The following CDH11 variants were observed in gnomAD, a reference collection of about 807,000 sequenced individuals.
CDH11 encodes cadherin 11.
Under a neutral mutation model 67.8 loss-of-function variants are expected in CDH11, and 11 were observed. The ratio of observed to expected loss-of-function variants is 0.16; its 90% CI spans 0.10 to 0.27. CDH11 has a LOEUF of 0.27. Ranked by LOEUF, CDH11 falls within the 10% of genes least tolerant of loss-of-function variation. The pLI is 1.00. For synonymous variants in CDH11, 419 were observed against 400.0 expected, an observed-to-expected ratio of 1.05 and a Z score of -0.57; for missense variants, 847 against 1,031.2, an observed-to-expected ratio of 0.82 and a Z score of 2.45.
chr16:64,990,999 G>A (rs2072615973), intron 6 of CDH11, among the ~76,000 whole-genome samples: 1 of 152,120 alleles, frequency 6.6e-6, no homozygotes, highest in East Asian at 1.9e-4. Flanking sequence ...GTCTTCCATT[G>A]AAAGGTGGGG....
chr16:65,016,728 C>T (rs928128560), intron 2 of CDH11, among the ~76,000 whole-genome samples: 2 of 152,162 alleles, frequency 1.3e-5, no homozygotes, highest in Non-Finnish European at 2.9e-5. Flanking sequence ...CAATCCCAGA[C>T]AGTAAAGTGA....
intron 2 of CDH11, among the ~76,000 whole-genome samples, chr16:65,037,356 C>G (rs1333290244): frequency 6.6e-6 from 1 of 152,122 alleles, no homozygotes; most frequent in East Asian, 1.9e-4. Flanking sequence ...TTGTAAAATT[C>G]TAGCTGTGAC....
intron 2 of CDH11, among the ~76,000 whole-genome samples, chr16:65,009,079 T>G (rs1248220265): frequency 6.6e-6 from 1 of 152,164 alleles, no homozygotes; most frequent in Non-Finnish European, 1.5e-5. Flanking sequence ...GATTGAACTC[T>G]GAATGTTTGG....
At chr16:65,107,226 G>T (rs1041291510) in intron 1 of CDH11, among the ~76,000 whole-genome samples, 25 of 152,276 alleles carry the variant, frequency 1.6e-4, no homozygotes, top group Non-Finnish European at 1.0e-4. Context: ...CTTATTAGCT[G>T]CATAATATTG....
At chr16:65,058,473 G>A (rs2074184148) in intron 1 of CDH11, among the ~76,000 whole-genome samples, 1 of 152,118 alleles carries the variant, frequency 6.6e-6, no homozygotes, top group South Asian at 2.1e-4. Flanking sequence ...AGGAGAAGGG[G>A]TCACACATAC....
intron 11 of CDH11, among the ~76,000 whole-genome samples, chr16:64,965,205 CAAAAAAAA>C (rs71143537): frequency 7.0e-5 from 4 of 56,934 alleles, no homozygotes; most frequent in Middle Eastern, 0.023. Flanking sequence ...CTAAAAATAC[CAAAAAAAA>C]AAAAAAAAAA....
At chr16:65,104,321 G>A (rs978633413) in intron 1 of CDH11, among the ~76,000 whole-genome samples, 2 of 152,112 alleles carry the variant, frequency 1.3e-5, no homozygotes, top group Admixed American at 1.3e-4. Context: ...ATATGGGTTT[G>A]GAAACACGGA....
At chr16:64,953,763 T>A (rs1248966036) in intron 11 of CDH11, among the ~76,000 whole-genome samples, 3 of 152,158 alleles carry the variant, frequency 2.0e-5, no homozygotes, top group Admixed American at 1.3e-4. Context: ...AGTTACAATA[T>A]CTACTCCATT....
intron 11 of CDH11, among the ~76,000 whole-genome samples, chr16:64,964,345 T>A (rs2071753148): frequency 1.3e-5 from 2 of 152,286 alleles, no homozygotes; most frequent in African/African-American, 4.8e-5. Flanking sequence ...TAGGCAATTA[T>A]AACACAGGAG....
At position 65,005,057 on chromosome 16, in the gene CDH11, G is replaced by T; in HGVS notation, c.-172-16C>A. 1 of 1,337,202 alleles carries T rather than the reference G, an allele frequency of 7.5e-7. No homozygotes were observed. The highest frequency in any genetic ancestry group is 1.5e-5 in the African/African-American group (1 of 66,280). 82.8% of individuals were successfully genotyped at this position (1,337,202 alleles called of 1,614,324 possible). A position where few individuals can be genotyped will look rare whatever the true frequency, so the allele number is the denominator to read the frequency against. ...CAGTTAGCTTCTGCAAGCAGAGAGA[G>T]GTTGGATTAACTGCAGGCCAAATCC... is the stretch of plus-strand genomic sequence containing the variant. On this transcript the variant is annotated splice_polypyrimidine_tract_variant and intron_variant, in intron 2 of 12. Transcript: ENST00000268603.
rs1567475973 is a variant in CDH11, at chr16:64,943,830, T to C, written c.*3773A>G. ...GTGTAAAGAACTGAGTATACAATGG[T>C]AAACAAGAAAGCAAGATTCCCTGCC... On this transcript the variant is annotated 3_prime_UTR_variant, in exon 13 of 13. Coordinates refer to ENST00000268603, the MANE Select transcript of CDH11 (RefSeq NM_001797.4). 4.5e-6 allele frequency: 1 copy of C among 222,736 alleles called. No individual in the cohort carries two copies. Among genetic ancestry groups the C allele is most frequent in the Non-Finnish European group, 9.0e-6 (1 of 111,344 alleles). The allele number at this position is 222,736 out of a possible 1,614,324, so 13.8% of individuals were successfully genotyped here. A position where few individuals can be genotyped will look rare whatever the true frequency, so the allele number is the denominator to read the frequency against.
At chr16:65,002,013 T>C (rs1597077728) in intron 3 of CDH11, among the ~76,000 whole-genome samples, 1 of 152,298 alleles carries the variant, frequency 6.6e-6, no homozygotes, top group East Asian at 1.9e-4. Context: ...CACTCAACCT[T>C]GAATGTCATC....
chr16:65,114,114 T>C (rs1240133006), intron 1 of CDH11, among the ~76,000 whole-genome samples: 1 of 152,016 alleles, frequency 6.6e-6, no homozygotes, highest in Non-Finnish European at 1.5e-5. Context: ...ATGACTAGAG[T>C]TAATGAATCA....
intron 4 of CDH11, among the ~76,000 whole-genome samples, chr16:64,995,578 A>T (rs915431905): frequency 6.6e-6 from 1 of 152,208 alleles, no homozygotes; most frequent in Non-Finnish European, 1.5e-5. Context: ...CTTTCCCCAT[A>T]TACAAAAATT....
chr16:65,085,204 C>T (rs2074675506), intron 1 of CDH11, among the ~76,000 whole-genome samples: 1 of 152,226 alleles, frequency 6.6e-6, no homozygotes, highest in Admixed American at 6.5e-5. Flanking sequence ...AGCCACCACA[C>T]CTGGCCTTAA....
intron 2 of CDH11, among the ~76,000 whole-genome samples, chr16:65,041,119 T>C (rs1483225208): frequency 6.6e-6 from 1 of 152,224 alleles, no homozygotes; most frequent in African/African-American, 2.4e-5. Flanking sequence ...TGCTGGGCAA[T>C]TGTGTAACAC....
In CDH11 at chr16:64,991,782, G is replaced by A. The variant is rs1426094439; in HGVS notation, c.797C>T (p.Pro266Leu). The A allele has an allele frequency of 6.2e-7, 1 of 1,613,236 alleles. No homozygotes were observed. The highest frequency in any genetic ancestry group is 8.5e-7 in the Non-Finnish European group (1 of 1,179,296). The change falls in exon 6 of 13, where the codon CCA becomes CTA. Residue 266 changes from proline (P) to leucine (L), a missense_variant. Pro to Leu is a moderately conservative substitution (Grantham distance 98). This residue lies in a region of CDH11 where 235 missense variants were observed against 352.5 expected (regional missense o/e 0.67). Coordinates refer to ENST00000268603, the MANE Select transcript of CDH11 (RefSeq NM_001797.4). ...ITLTDVNDNP[P>L]KFPQSVYQMS... is the part of the protein sequence containing the mutation. Reference sequence around the variant, plus strand: ...CACCTACTTACTCTGCGGAAACTTTGGTGGGTTGTCATTGACATCGGTCAG... The same window carrying A: ...CACCTACTTACTCTGCGGAAACTTTAGTGGGTTGTCATTGACATCGGTCAG...
chr16:65,013,396 T>C (rs1237625286), intron 2 of CDH11, among the ~76,000 whole-genome samples: 3 of 152,096 alleles, frequency 2.0e-5, no homozygotes, highest in Admixed American at 6.6e-5. Flanking sequence ...GTAAGGAGTG[T>C]CAGCTCTTAC....
At chr16:65,088,257 T>C (rs1437940717) in intron 1 of CDH11, among the ~76,000 whole-genome samples, 1 of 152,194 alleles carries the variant, frequency 6.6e-6, no homozygotes, top group Non-Finnish European at 1.5e-5. Flanking sequence ...CCTCCAGAAC[T>C]GTCAATAATA....
Sources: gnomAD v4.1 joint callset for allele counts (sites outside exome capture counted in the v4.1 genomes callset) on GRCh38, gnomAD v4.1.1 for gene constraint, gnomAD v4.1.1 regional missense constraint, MANE v1.5 for transcripts, NCBI Gene and HGNC (gene_info 2026-07-23, HGNC 2026-07-21) for gene names.